KIF6: variants seen among roughly 807,000 people sequenced by gnomAD.
KIF6 encodes kinesin family member 6, also known as kinesin-like protein KIF6.
A neutral mutation model predicts 112.7 loss-of-function variants in KIF6; 106 were observed. The observed-to-expected ratio is 0.94, with a 90% CI of 0.80 to 1.11. The LOEUF is 1.11. Among genes scored for constraint, KIF6 ranks in the 50% least tolerant of loss-of-function variants. KIF6 has a pLI of 0.00. For synonymous variants in KIF6, 339 were observed against 339.9 expected (o/e 1.00, Z 0.03); for missense variants, 929 against 964.0 (o/e 0.96, Z 0.48).
At chr6:39,660,614 C>T (rs958354992) in intron 3 of KIF6, among the ~76,000 whole-genome samples, 2 of 152,164 alleles carry the variant, frequency 1.3e-5, no homozygotes, top group Middle Eastern at 3.4e-3. Flanking sequence ...CTTTCAAAAG[C>T]TAAATTTTTT....
chr6:39,489,228 A>T (rs948720434), intron 13 of KIF6, among the ~76,000 whole-genome samples: 1 of 152,142 alleles, frequency 6.6e-6, no homozygotes, highest in African/African-American at 2.4e-5. Flanking sequence ...TGTGGGATTT[A>T]TCTTTTCCTT....
intron 5 of KIF6, among the ~76,000 whole-genome samples, chr6:39,621,206 C>G (rs1253420726): frequency 7.5e-6 from 1 of 132,814 alleles, no homozygotes; most frequent in Non-Finnish European, 1.6e-5. Context: ...GACACACACA[C>G]ACACACACAC....
intron 10 of KIF6, among the ~76,000 whole-genome samples, chr6:39,555,953 C>CAG (rs1422065842): frequency 2.6e-5 from 2 of 77,720 alleles, no homozygotes; most frequent in Non-Finnish European, 5.0e-5. Flanking sequence ...GACGCTGTCT[C>CAG]AAAAAAAAAA....
In KIF6 at chr6:39,593,272, T is replaced by C. The variant is rs183957485; in HGVS notation, c.846+2782A>G. 3.2e-3 allele frequency among the ~76,000 whole-genome samples: 482 copies of C among 152,316 alleles called. 5 individuals are homozygous for C. The highest frequency in any genetic ancestry group is 0.011 in the African/African-American group (451 of 41,546). ...TCTCATTAGTGCCATAATAAAGTAC[T>C]ACATAAAGAGAAATTGATTAACAAA... On this transcript the variant is annotated intron_variant, in intron 7 of 22. Transcript: ENST00000287152.
At chr6:39,382,619 T>G (rs1767054796) in intron 16 of KIF6, among the ~76,000 whole-genome samples, 1 of 152,210 alleles carries the variant, frequency 6.6e-6, no homozygotes, top group South Asian at 2.1e-4. Flanking sequence ...AGTGCTGCAA[T>G]GAACATAAGT....
At chr6:39,542,800 C>T (rs892084920) in intron 12 of KIF6, among the ~76,000 whole-genome samples, 1 of 152,154 alleles carries the variant, frequency 6.6e-6, no homozygotes, top group Non-Finnish European at 1.5e-5. Context: ...TGGTCCTGCT[C>T]CTGAAGAGTA....
At chr6:39,588,190 A>G (rs1781740169) in intron 7 of KIF6, among the ~76,000 whole-genome samples, 1 of 152,094 alleles carries the variant, frequency 6.6e-6, no homozygotes, top group Middle Eastern at 3.4e-3. Flanking sequence ...ATCTCATCCA[A>G]TCACCTGGCT....
At chr6:39,395,992 C>T (rs1420485971) in intron 15 of KIF6, among the ~76,000 whole-genome samples, 1 of 152,120 alleles carries the variant, frequency 6.6e-6, no homozygotes, top group Admixed American at 6.5e-5. Flanking sequence ...TGATTCTACT[C>T]ATTTAATTTT....
intron 16 of KIF6, among the ~76,000 whole-genome samples, chr6:39,366,422 G>T (rs1292869172): frequency 6.6e-6 from 1 of 152,188 alleles, no homozygotes; most frequent in African/African-American, 2.4e-5. Flanking sequence ...GTTCTAGGGG[G>T]ATTCCAGTGG....
At chr6:39,683,270 T>TTGC (rs1447640377) in intron 3 of KIF6, among the ~76,000 whole-genome samples, 2 of 152,094 alleles carry the variant, frequency 1.3e-5, no homozygotes, top group Non-Finnish European at 2.9e-5. Context: ...GGTTAGAGGA[T>TTGC]TGCTGCAAAA....
At chr6:39,531,948 C>T (rs1778090066) in intron 13 of KIF6, among the ~76,000 whole-genome samples, 1 of 152,114 alleles carries the variant, frequency 6.6e-6, no homozygotes. Flanking sequence ...CCACACCTGG[C>T]TTTTGTACTT....
chr6:39,596,031 A>C, intron 7 of KIF6, 23 bp downstream of exon 7: 72 of 1,578,304 alleles, frequency 4.6e-5, no homozygotes, highest in Non-Finnish European at 5.9e-5. Context: ...AGTTATTAAT[A>C]CATCCCACTC....
intron 2 of KIF6, among the ~76,000 whole-genome samples, chr6:39,718,255 A>G (rs568878258): frequency 7.0e-6 from 1 of 142,130 alleles, no homozygotes; most frequent in African/African-American, 2.6e-5. Flanking sequence ...AAAAAAAAAG[A>G]ATACTTTGGA....
rs757329185 is a variant in KIF6, at chr6:39,544,667, A to G, written c.1314T>C (p.Leu438=). ...LKKLLNDKKI[L]ENNTVSSESK... ...TTTCAGAGGAGACTGTATTGTTTTCAAGGATCTTCTTGTCATTCAATAGTT... is the reference window on the plus strand; with the variant it reads ...TTTCAGAGGAGACTGTATTGTTTTCGAGGATCTTCTTGTCATTCAATAGTT... The change falls in exon 12 of 23, where the codon CTT becomes CTC. Residue 438 remains leucine (L), a synonymous_variant. Coordinates refer to ENST00000287152, the MANE Select transcript of KIF6 (RefSeq NM_145027.6). The G allele has an allele frequency of 1.2e-6, 2 of 1,603,674 alleles. No homozygotes were observed. The highest frequency in any genetic ancestry group is 1.7e-6 in the Non-Finnish European group (2 of 1,176,546).
intron 15 of KIF6, among the ~76,000 whole-genome samples, chr6:39,409,136 G>T (rs1769297461): frequency 6.6e-6 from 1 of 152,148 alleles, no homozygotes; most frequent in African/African-American, 2.4e-5. Flanking sequence ...CTATTATGAT[G>T]ATGACGGGGA....
intron 22 of KIF6, among the ~76,000 whole-genome samples, chr6:39,338,889 A>AT (rs1419890439): frequency 7.9e-6 from 1 of 127,172 alleles, no homozygotes; most frequent in Non-Finnish European, 1.6e-5. Flanking sequence ...AGTCTGAGCC[A>AT]TCTCCCACCC....
At chr6:39,520,814 C>A (rs1396766942) in intron 13 of KIF6, among the ~76,000 whole-genome samples, 1 of 152,148 alleles carries the variant, frequency 6.6e-6, no homozygotes, top group Non-Finnish European at 1.5e-5. Flanking sequence ...ACACTCATTT[C>A]CCCTCACACA....
At chr6:39,587,511 ATCTC>A (rs984124902) in intron 7 of KIF6, among the ~76,000 whole-genome samples, 2 of 152,028 alleles carry the variant, frequency 1.3e-5, no homozygotes, top group African/African-American at 2.4e-5. Flanking sequence ...TCATCCTGTG[ATCTC>A]TCTCTCTCAA....
At chr6:39,568,948 T>TTC (rs149756382) in intron 10 of KIF6, among the ~76,000 whole-genome samples, 28 of 149,468 alleles carry the variant, frequency 1.9e-4, no homozygotes, top group East Asian at 7.8e-4. Context: ...CTGTAGGCCT[T>TTC]TCTCTCTCTC....
Sources: gnomAD v4.1 joint callset for allele counts (sites outside exome capture counted in the v4.1 genomes callset) on GRCh38, gnomAD v4.1.1 for gene constraint, MANE v1.5 for transcripts, NCBI Gene and HGNC (gene_info 2026-07-23, HGNC 2026-07-21) for gene names.